Variants in RALGPS2 observed in about 807,000 individuals in gnomAD.
The protein encoded by RALGPS2 is Ral GEF with PH domain and SH3 binding motif 2.
Under a neutral mutation model 86.8 loss-of-function variants are expected in RALGPS2, and 43 were observed. That is an observed-to-expected ratio of 0.50 (90% CI 0.39 to 0.64). The LOEUF (loss-of-function observed/expected upper bound fraction) is 0.64, where lower values mean the gene tolerates loss of function less well. Among genes scored for constraint, RALGPS2 ranks in the 30% least tolerant of loss-of-function variants. The pLI, the probability that RALGPS2 is intolerant of heterozygous loss-of-function variation, is 0.00. For synonymous variants in RALGPS2, 243 were observed against 231.3 expected (o/e 1.05, Z -0.46); for missense variants, 536 against 694.6 (o/e 0.77, Z 2.57).
intron 19 of RALGPS2, among the ~76,000 whole-genome samples, chr1:178,914,736 A>G (rs1660746692): frequency 6.6e-6 from 1 of 152,110 alleles, no homozygotes; most frequent in Non-Finnish European, 1.5e-5. Context: ...TTTCAAATAT[A>G]TATGCAACAC....
intron 1 of RALGPS2, among the ~76,000 whole-genome samples, chr1:178,745,822 C>CTTTTTTTT (rs34277622): frequency 4.6e-5 from 4 of 86,108 alleles, no homozygotes; most frequent in Admixed American, 1.4e-4. Flanking sequence ...TTCAATTCTT[C>CTTTTTTTT]TTTTTTTTTT....
At chr1:178,762,165 G>A (rs1219439367) in intron 1 of RALGPS2, among the ~76,000 whole-genome samples, 2 of 152,140 alleles carry the variant, frequency 1.3e-5, no homozygotes, top group Non-Finnish European at 2.9e-5. Flanking sequence ...CTCCATCCAT[G>A]TTGCTGTAAA....
intron 10 of RALGPS2, chr1:178,879,210 CTGTT>C: frequency 2.1e-6 from 1 of 487,050 alleles, no homozygotes; most frequent in Non-Finnish European, 3.1e-6. Context: ...TATTTTATCT[CTGTT>C]TGTAGAGAGC....
rs548110793 is a variant in RALGPS2 at position 178,838,519 on chromosome 1, T to A, written c.607+4969T>A. Among the ~76,000 whole-genome samples the A allele has an allele frequency of 2.4e-4, 36 of 152,108 alleles. 1 individual carries two copies. The highest frequency in any genetic ancestry group is 2.2e-3 in the Admixed American group (33 of 15,270). On this transcript the variant is annotated intron_variant, in intron 8 of 19. Transcript: ENST00000367635. Reference sequence around the variant, plus strand: ...GACATCCACACCAAAACCCCATCTATATGTCACCATCATCAAAGACCAAAG... The same window carrying A: ...GACATCCACACCAAAACCCCATCTAAATGTCACCATCATCAAAGACCAAAG...
intron 1 of RALGPS2, among the ~76,000 whole-genome samples, chr1:178,736,889 C>T (rs1472863912): frequency 6.6e-6 from 1 of 151,820 alleles, no homozygotes; most frequent in Non-Finnish European, 1.5e-5. Flanking sequence ...AGAAGGACAC[C>T]CCTGTCTTAA....
At chr1:178,877,660 A>G (rs1444016276) in intron 9 of RALGPS2, 25 bp downstream of exon 9, 2 of 1,610,642 alleles carry the variant, frequency 1.2e-6, no homozygotes, top group Non-Finnish European at 8.5e-7. Flanking sequence ...GATAATGCCA[A>G]GCCATTAAGA....
At chr1:178,756,539 G>T (rs1651965345) in intron 1 of RALGPS2, among the ~76,000 whole-genome samples, 1 of 152,060 alleles carries the variant, frequency 6.6e-6, no homozygotes, top group African/African-American at 2.4e-5. Flanking sequence ...CTAGAACCGT[G>T]CTGTTTTGGT....
chr1:178,799,241 G>A (rs554458501), intron 4 of RALGPS2, among the ~76,000 whole-genome samples: 13 of 152,020 alleles, frequency 8.6e-5, no homozygotes, highest in African/African-American at 2.4e-4. Flanking sequence ...GGGTTTCACC[G>A]TGTTGGCCAG....
chr1:178,866,076 G>A (rs1006799641), intron 8 of RALGPS2, among the ~76,000 whole-genome samples: 5 of 152,072 alleles, frequency 3.3e-5, no homozygotes, highest in South Asian at 2.1e-4. Context: ...GCAGATTTTG[G>A]TCAGTGTCTA....
chr1:178,763,003 G>A (rs1263630348), intron 1 of RALGPS2, among the ~76,000 whole-genome samples: 2 of 152,098 alleles, frequency 1.3e-5, no homozygotes, highest in African/African-American at 4.8e-5. Flanking sequence ...ACTCCATCTT[G>A]AGTTGATTTT....
At chr1:178,770,334 C>A (rs1393494096) in intron 1 of RALGPS2, among the ~76,000 whole-genome samples, 1 of 151,978 alleles carries the variant, frequency 6.6e-6, no homozygotes, top group East Asian at 1.9e-4. Context: ...CACAGTTGAT[C>A]TTTATGCACT....
At chr1:178,873,308 A>G (rs1658853398) in intron 8 of RALGPS2, among the ~76,000 whole-genome samples, 1 of 152,228 alleles carries the variant, frequency 6.6e-6, no homozygotes, top group Non-Finnish European at 1.5e-5. Flanking sequence ...TAAGAAAAAG[A>G]CAACCCAAAA....
rs767721965 is a variant in RALGPS2 at position 178,886,034 on chromosome 1, A to C, written c.1106A>C (p.His369Pro). The C allele has an allele frequency of 6.2e-7, 1 of 1,613,566 alleles. No individual in the cohort carries two copies. Among genetic ancestry groups the C allele is most frequent in the South Asian group, 1.1e-5 (1 of 90,974 alleles). Residue 369 changes from histidine (H) to proline (P), a missense_variant, in exon 13 of 20, where the codon CAT (histidine) becomes CCT (proline). This residue lies in a region of RALGPS2 where 309 missense variants were observed against 363.0 expected (regional missense o/e 0.85). Coordinates refer to ENST00000367635, the MANE Select transcript of RALGPS2 (RefSeq NM_152663.5). ...SATFPNAGPR[H>P]LLDDSVMEPH... Reference sequence around the variant, plus strand: ...ACGTTTCCAAATGCAGGACCAAGACATCTGTTAGATGATAGCGTCATGGAG... The same window carrying C: ...ACGTTTCCAAATGCAGGACCAAGACCTCTGTTAGATGATAGCGTCATGGAG...
chr1:178,843,480 A>G (rs1168935064), intron 8 of RALGPS2, among the ~76,000 whole-genome samples: 2 of 136,872 alleles, frequency 1.5e-5, no homozygotes, highest in African/African-American at 5.4e-5. Context: ...AGGAAGGGGA[A>G]TATCACACTC....
chr1:178,870,214 G>T (rs920140600), intron 8 of RALGPS2, among the ~76,000 whole-genome samples: 9 of 152,048 alleles, frequency 5.9e-5, no homozygotes, highest in Non-Finnish European at 1.2e-4. Flanking sequence ...TTAATATTTG[G>T]TTATACTGTA....
chr1:178,764,929 G>C (rs1403096575), intron 1 of RALGPS2, among the ~76,000 whole-genome samples: 1 of 152,086 alleles, frequency 6.6e-6, no homozygotes, highest in Non-Finnish European at 1.5e-5. Context: ...GCTGTCTCAT[G>C]ATAGAGTTCT....
intron 13 of RALGPS2, among the ~76,000 whole-genome samples, chr1:178,888,769 C>CT (rs1659597092): frequency 6.6e-6 from 1 of 152,068 alleles, no homozygotes; most frequent in Admixed American, 6.6e-5. Context: ...TCCATCGTCT[C>CT]TAAGAGAGAC....
chr1:178,895,008 G>A (rs1354888288), intron 16 of RALGPS2, among the ~76,000 whole-genome samples: 1 of 151,674 alleles, frequency 6.6e-6, no homozygotes, highest in Non-Finnish European at 1.5e-5. Context: ...ATACAGTTTT[G>A]TTTTCTACAT....
rs889293055 is a variant in RALGPS2 at position 178,808,053 on chromosome 1, A to C, written c.222A>C (p.Ser74=). 6.2e-7 allele frequency: 1 copy of C among 1,606,154 alleles called. No homozygotes were observed. Among genetic ancestry groups the C allele is most frequent in the African/African-American group, 1.3e-5 (1 of 74,728 alleles). ...TCACCTTAATTTTCCAGGAGCTTTC[A>C]AGTTGTGGATGGAATAAAAAAGAAA... is the stretch of plus-strand genomic sequence containing the variant. ...VFKAIQPDEL[S]SCGWNKKEKY... Residue 74 remains serine (S), a synonymous_variant, in exon 5 of 20, where the codon TCA becomes TCC. Coordinates refer to ENST00000367635, the MANE Select transcript of RALGPS2 (RefSeq NM_152663.5).
Sources: allele counts gnomAD v4.1 joint callset (sites outside exome capture counted in the v4.1 genomes callset), GRCh38; gene constraint gnomAD v4.1.1; regional missense constraint gnomAD v4.1.1; transcripts MANE v1.5; gene names NCBI Gene and HGNC (gene_info 2026-07-23, HGNC 2026-07-21).